The following DCDC2 variants were observed in gnomAD, a reference collection of about 807,000 sequenced individuals.
DCDC2 encodes the protein doublecortin domain containing 2.
A neutral mutation model predicts 50.2 loss-of-function variants in DCDC2; 40 were observed. The ratio of observed to expected loss-of-function variants is 0.80; its 90% CI spans 0.62 to 1.04. DCDC2 has a LOEUF of 1.04. DCDC2 is among the 50% of genes least tolerant of loss of function. DCDC2 has a pLI of 0.00. For missense variants in DCDC2, 570 were observed against 581.9 expected (o/e 0.98, Z 0.21); for synonymous variants, 234 against 210.6 (o/e 1.11, Z -0.96).
Position 24,173,446 on chromosome 6 carries a change from TCC to T in DCDC2, c.*1282_*1283del, listed in dbSNP as rs1760831758. On this transcript the variant is annotated 3_prime_UTR_variant, in exon 10 of 10. Coordinates refer to ENST00000378454, the MANE Select transcript of DCDC2 (RefSeq NM_016356.5). Reference sequence around the variant, plus strand: ...CAACTTCCACATAATTAAAAATATATCCTTTAAGAAAAATATATTATTTCTAT... The same window carrying T: ...CAACTTCCACATAATTAAAAATATATTTTAAGAAAAATATATTATTTCTAT... The T allele has an allele frequency of 2.0e-5, 3 of 152,102 alleles. No homozygotes were observed. The highest frequency in any genetic ancestry group is 7.2e-5 in the African/African-American group (3 of 41,434). The allele number at this position is 152,102 out of a possible 1,614,324, so 9.4% of individuals were successfully genotyped here. A position where few individuals can be genotyped will look rare whatever the true frequency, so the allele number is the denominator to read the frequency against.
chr6:24,277,081 C>A (rs943306483), intron 7 of DCDC2, among the ~76,000 whole-genome samples: 3 of 152,230 alleles, frequency 2.0e-5, no homozygotes, highest in Admixed American at 2.0e-4. Flanking sequence ...TTCCTCTAAA[C>A]TCTCACAGGA....
intron 7 of DCDC2, 41 bp downstream of exon 7, chr6:24,278,008 A>C: frequency 6.7e-7 from 1 of 1,499,864 alleles, no homozygotes; most frequent in Non-Finnish European, 9.1e-7. Flanking sequence ...TTTAAGAATT[A>C]AAATTGTATC....
At chr6:24,231,011 C>T (rs536109037) in intron 7 of DCDC2, among the ~76,000 whole-genome samples, 16 of 152,224 alleles carry the variant, frequency 1.1e-4, no homozygotes, top group African/African-American at 3.6e-4. Flanking sequence ...AGAGTCACTA[C>T]TGAAGGGCAA....
chr6:24,293,641 CA>C (rs1221258184), intron 4 of DCDC2, among the ~76,000 whole-genome samples: 3 of 152,274 alleles, frequency 2.0e-5, no homozygotes, highest in Admixed American at 6.5e-5. Flanking sequence ...AGAAAATTAG[CA>C]AAGATATTCA....
intron 1 of DCDC2, among the ~76,000 whole-genome samples, chr6:24,355,643 G>A (rs1260646455): frequency 6.6e-6 from 1 of 152,128 alleles, no homozygotes; most frequent in African/African-American, 2.4e-5. Context: ...CAGTCTCCTG[G>A]TTTTAAGTTT....
At chr6:24,245,195 G>A (rs793857) in intron 7 of DCDC2, among the ~76,000 whole-genome samples, 129,866 of 152,124 alleles carry the variant, frequency 0.85, 55,926 homozygotes, top group Non-Finnish European at 0.91. Context: ...CTCCATCTCA[G>A]AAAGTTTTAT....
In DCDC2 at chr6:24,182,681, C is replaced by A. The variant is rs1299317596; in HGVS notation, c.1024-4049G>T. The stretch of plus-strand genomic sequence containing the variant: ...AAGCGTTGACAAGGATGTGGAGAAA[C>A]TGGAACTCCTGGGCATTTTGGGGGA... On this transcript the variant is annotated intron_variant, in intron 8 of 9. Transcript: ENST00000378454. 4.3e-5 allele frequency among the ~76,000 whole-genome samples: 6 copies of A among 138,390 alleles called. 1 individual carries two copies. In the Admixed American group the frequency reaches 4.4e-4, roughly 10 times the overall value. The allele number at this position is 138,390 out of a possible 152,430, so 90.8% of individuals were successfully genotyped here.
intron 7 of DCDC2, among the ~76,000 whole-genome samples, chr6:24,208,209 T>G (rs1279678827): frequency 6.6e-6 from 1 of 152,116 alleles, no homozygotes; most frequent in East Asian, 1.9e-4. Context: ...ATGTCTAGTT[T>G]GCCACTTCTA....
At chr6:24,272,256 A>C (rs1032111354) in intron 7 of DCDC2, among the ~76,000 whole-genome samples, 9 of 152,262 alleles carry the variant, frequency 5.9e-5, no homozygotes, top group Non-Finnish European at 1.2e-4. Context: ...ATAAACCTCA[A>C]GAAAATTACT....
chr6:24,180,881 C>A (rs963714223), intron 8 of DCDC2, among the ~76,000 whole-genome samples: 3 of 152,104 alleles, frequency 2.0e-5, no homozygotes, highest in Non-Finnish European at 2.9e-5. Context: ...GAAAAAAATT[C>A]CACACATTAT....
chr6:24,281,658 G>C (rs1763475071), intron 6 of DCDC2, among the ~76,000 whole-genome samples: 1 of 151,928 alleles, frequency 6.6e-6, no homozygotes, highest in South Asian at 2.1e-4. Flanking sequence ...GTTAGAGAGG[G>C]GAAAGGACAA....
At chr6:24,238,503 T>C (rs1169989094) in intron 7 of DCDC2, among the ~76,000 whole-genome samples, 1 of 151,894 alleles carries the variant, frequency 6.6e-6, no homozygotes, top group Non-Finnish European at 1.5e-5. Flanking sequence ...TTCACCATGT[T>C]GGCCAGGCTG....
At chr6:24,339,806 T>C (rs1399003044) in intron 2 of DCDC2, among the ~76,000 whole-genome samples, 1 of 152,218 alleles carries the variant, frequency 6.6e-6, no homozygotes, top group Non-Finnish European at 1.5e-5. Flanking sequence ...AGATTGTCTA[T>C]GAATGGATAT....
chr6:24,285,185 G>C (rs1368511234), intron 6 of DCDC2, among the ~76,000 whole-genome samples: 3 of 152,180 alleles, frequency 2.0e-5, no homozygotes, highest in African/African-American at 7.2e-5. Context: ...ATGACGGATG[G>C]AGTGGATGAA....
intron 7 of DCDC2, among the ~76,000 whole-genome samples, chr6:24,225,834 AACTG>A (rs773512226): frequency 6.6e-5 from 10 of 152,220 alleles, no homozygotes; most frequent in South Asian, 2.1e-4. Context: ...AAATCATAGC[AACTG>A]ATTTATTTTA....
chr6:24,299,609 T>A (rs1293349348), intron 4 of DCDC2, among the ~76,000 whole-genome samples: 1 of 152,158 alleles, frequency 6.6e-6, no homozygotes, highest in African/African-American at 2.4e-5. Context: ...TTGGAATACT[T>A]TGTGTTAAAA....
At chr6:24,178,744 T>A in intron 8 of DCDC2, 112 bp from the exon 9 acceptor site, 1 of 1,095,626 alleles carries the variant, frequency 9.1e-7, no homozygotes, top group South Asian at 1.5e-5. Context: ...CATTCTTACA[T>A]TTGCATAGTA....
chr6:24,177,560 G>A (rs1195504773), intron 9 of DCDC2, among the ~76,000 whole-genome samples: 1 of 152,164 alleles, frequency 6.6e-6, no homozygotes, highest in African/African-American at 2.4e-5. Flanking sequence ...ATAAGCAGAT[G>A]GTGAGAATGT....
chr6:24,342,140 T>C (rs1170760371), intron 2 of DCDC2, among the ~76,000 whole-genome samples: 1 of 152,226 alleles, frequency 6.6e-6, no homozygotes, highest in Non-Finnish European at 1.5e-5. Flanking sequence ...AATGCATCTT[T>C]GCTGGACATA....
Sources: gnomAD v4.1 joint callset for allele counts (sites outside exome capture counted in the v4.1 genomes callset) on GRCh38, gnomAD v4.1.1 for gene constraint, MANE v1.5 for transcripts, NCBI Gene and HGNC (gene_info 2026-07-23, HGNC 2026-07-21) for gene names.